HTT: variants seen among roughly 807,000 people sequenced by gnomAD.
The protein encoded by HTT is huntingtin.
HTT carries 104 observed loss-of-function variants against 362.3 expected under a neutral mutation model. The ratio of observed to expected loss-of-function variants is 0.29; its 90% CI spans 0.24 to 0.34. The LOEUF (loss-of-function observed/expected upper bound fraction) is 0.34, where lower values mean the gene tolerates loss of function less well. HTT is among the 10% of genes least tolerant of loss of function. The pLI, the probability that HTT is intolerant of heterozygous loss-of-function variation, is 1.00. For missense variants in HTT, 3,301 were observed against 3,928.6 expected (o/e 0.84, Z 4.27); for synonymous variants, 1,577 against 1,548.7 (o/e 1.02, Z -0.43).
rs780679434 is a variant in HTT, at chr4:3,178,301, A to G, written c.4467A>G (p.Glu1489=). ...FEYIEVGQFR[E]SEAIIPNIFF... is the part of the protein sequence containing the mutation. ...AAATGGATGTTTTTGTTTTTAGGGAATCAGAGGCAATCATTCCAAACATCT... is the reference window on the plus strand; with the variant it reads ...AAATGGATGTTTTTGTTTTTAGGGAGTCAGAGGCAATCATTCCAAACATCT... Residue 1489 remains glutamate, a synonymous_variant, in exon 35 of 67, where the codon GAA becomes GAG. Coordinates refer to ENST00000355072, the MANE Select transcript of HTT (RefSeq NM_001388492.1). 53 of 1,603,926 alleles carry G rather than the reference A, an allele frequency of 3.3e-5. No individual in the cohort carries two copies. Among genetic ancestry groups the G allele is most frequent in the Non-Finnish European group, 4.4e-5 (51 of 1,171,620 alleles).
Position 3,212,549 on chromosome 4 carries a change from G to A in HTT, c.6629-15G>A. 6.2e-7 allele frequency: 1 copy of A among 1,612,426 alleles called. No individual in the cohort carries two copies. Among genetic ancestry groups the A allele is most frequent in the Non-Finnish European group, 8.5e-7 (1 of 1,178,678 alleles). ...GCTCACGTTTGCACCCACCCACGAG[G>A]TCCTTCTGTTTCAGGGGATGCTGCA... is the stretch of plus-strand genomic sequence containing the variant. On this transcript the variant is annotated splice_polypyrimidine_tract_variant and intron_variant, in intron 48 of 66. Coordinates refer to ENST00000355072, the MANE Select transcript of HTT (RefSeq NM_001388492.1).
At chr4:3,087,055 A>G in intron 2 of HTT, 33 bp downstream of exon 2, 1 of 1,183,430 alleles carries the variant, frequency 8.5e-7, no homozygotes, top group Non-Finnish European at 1.2e-6. Flanking sequence ...AGAGAAAATA[A>G]GAACTTTGTA....
intron 27 of HTT, among the ~76,000 whole-genome samples, chr4:3,155,754 C>T (rs112757194): frequency 0.15 from 21,890 of 143,974 alleles, 2,241 homozygotes; most frequent in African/African-American, 0.29. Context: ...AAAAAAAAGC[C>T]GGGCATGGTG....
chr4:3,226,546 G>T (rs1338577112), intron 57 of HTT, among the ~76,000 whole-genome samples: 2 of 152,232 alleles, frequency 1.3e-5, no homozygotes, highest in Non-Finnish European at 2.9e-5. Context: ...ACAGGTGTAT[G>T]CTGGGCGGGG....
At chr4:3,210,163 T>C (rs964383848) in intron 47 of HTT, among the ~76,000 whole-genome samples, 1 of 152,182 alleles carries the variant, frequency 6.6e-6, no homozygotes, top group African/African-American at 2.4e-5. Flanking sequence ...GGGGTTATGC[T>C]GATCGAGACA....
At chr4:3,113,081 A>G in intron 6 of HTT, 1 of 909,892 alleles carries the variant, frequency 1.1e-6, no homozygotes, top group Non-Finnish European at 1.3e-6. Flanking sequence ...GAAAAGTGGC[A>G]CTATCTATTC....
chr4:3,237,621 G>A (rs942972077), intron 64 of HTT, among the ~76,000 whole-genome samples: 3 of 152,172 alleles, frequency 2.0e-5, no homozygotes, highest in Admixed American at 1.3e-4. Flanking sequence ...ATTTCTCTCT[G>A]TGGAGCAGTG....
intron 1 of HTT, among the ~76,000 whole-genome samples, chr4:3,084,252 T>C (rs1001421430): frequency 7.1e-6 from 1 of 141,818 alleles, no homozygotes; most frequent in African/African-American, 2.6e-5. Flanking sequence ...TTGCCCAGGC[T>C]GGAGTGCAGT....
chr4:3,106,592 G>A (rs1578503180), intron 5 of HTT, among the ~76,000 whole-genome samples: 1 of 152,288 alleles, frequency 6.6e-6, no homozygotes, highest in Middle Eastern at 3.4e-3. Context: ...TTTAGATAGA[G>A]ATTCCAGACT....
At chr4:3,092,865 C>T (rs953094696) in intron 2 of HTT, among the ~76,000 whole-genome samples, 2 of 152,188 alleles carry the variant, frequency 1.3e-5, no homozygotes, top group African/African-American at 4.8e-5. Flanking sequence ...AGTTATTGGG[C>T]ATCAGGCAAA....
At chr4:3,112,408 C>T (rs1252515264) in intron 6 of HTT, among the ~76,000 whole-genome samples, 2 of 152,232 alleles carry the variant, frequency 1.3e-5, no homozygotes, top group Non-Finnish European at 2.9e-5. Context: ...TCAGAAGCCT[C>T]TCCCCTATTC....
intron 10 of HTT, 95 bp downstream of exon 10, chr4:3,123,031 A>G (rs1715362726): frequency 1.1e-6 from 1 of 945,444 alleles, no homozygotes; most frequent in Non-Finnish European, 1.7e-6. Flanking sequence ...GTAATACTGT[A>G]TTGGACTCTG....
Position 3,240,145 on chromosome 4 carries a change from C to T in HTT, c.*86C>T. 8.5e-7 allele frequency: 1 copy of T among 1,183,334 alleles called. No homozygotes were observed. The highest frequency in any genetic ancestry group is 1.2e-6 in the Non-Finnish European group (1 of 828,832). 73.3% of individuals were successfully genotyped at this position (1,183,334 alleles called of 1,614,324 possible). On this transcript the variant is annotated 3_prime_UTR_variant, in exon 67 of 67. Transcript: ENST00000355072. ...CCCTTGTGCCCTGCCTCCACCGAGC[C>T]AGCTTGGTCCCTATGGGCTTCCGCA...
rs1211631176 is a variant in HTT, at chr4:3,223,649, GC to G, written c.7625+91del. 8.2e-6 allele frequency: 10 copies of G among 1,212,538 alleles called. No individual in the cohort carries two copies. In the East Asian group the frequency reaches 2.4e-4, roughly 29 times the overall value. 75.1% of individuals were successfully genotyped at this position (1,212,538 alleles called of 1,614,324 possible). ...TGAAGCGTCCAGCAGCTTCAACCAG[GC>G]CGTTTTCCTTCATTGCTAGAATTGA... On this transcript the variant is annotated intron_variant, in intron 55 of 66. Transcript: ENST00000355072.
rs1714035785 is a variant in HTT, at chr4:3,099,477, G to A, written c.468+83G>A. 7 of 1,580,472 alleles carry A rather than the reference G, an allele frequency of 4.4e-6. No homozygotes were observed. In the Admixed American group the frequency reaches 7.0e-5, roughly 16 times the overall value. On this transcript the variant is annotated intron_variant, in intron 3 of 66. Coordinates refer to ENST00000355072, the MANE Select transcript of HTT (RefSeq NM_001388492.1). ...AGAAGCGATCATTGAGTGTTCTTCT[G>A]TTTTGAGTCCCTGAGGATGTCTGCA...
intron 29 of HTT, among the ~76,000 whole-genome samples, chr4:3,171,545 T>A (rs1249889120): frequency 6.6e-6 from 1 of 151,386 alleles, no homozygotes; most frequent in African/African-American, 2.4e-5. Flanking sequence ...TGGCGCCATC[T>A]CGGCTCACTG....
chr4:3,191,367 G>T (rs1719007131), intron 40 of HTT, among the ~76,000 whole-genome samples: 1 of 151,946 alleles, frequency 6.6e-6, no homozygotes. Context: ...TAGAGACAGG[G>T]TTTCTCCATG....
chr4:3,207,545 G>A (rs931508806), intron 45 of HTT, among the ~76,000 whole-genome samples, 188 bp downstream of exon 45: 1 of 152,212 alleles, frequency 6.6e-6, no homozygotes, highest in Non-Finnish European at 1.5e-5. Flanking sequence ...AAGAGTAAAG[G>A]ATGACCGGCA....
At chr4:3,224,302 G>A (rs2110289958) in intron 56 of HTT, among the ~76,000 whole-genome samples, 171 bp downstream of exon 56, 1 of 152,306 alleles carries the variant, frequency 6.6e-6, no homozygotes, top group South Asian at 2.1e-4. Context: ...TCAGGCCCAG[G>A]GAGGAAGTAA....
Sources: allele counts gnomAD v4.1 joint callset (sites outside exome capture counted in the v4.1 genomes callset), GRCh38; gene constraint gnomAD v4.1.1; transcripts MANE v1.5; gene names NCBI Gene and HGNC (gene_info 2026-07-23, HGNC 2026-07-21).